LYPD6B: variants seen among roughly 807,000 people sequenced by gnomAD.
LYPD6B encodes the protein ly6/PLAUR domain-containing protein 6B.
In LYPD6B, 17 loss-of-function variants were observed where a neutral mutation model predicts 22.8. The ratio of observed to expected loss-of-function variants is 0.75; its 90% CI spans 0.51 to 1.12. LYPD6B has a LOEUF of 1.12. LYPD6B is among the 50% of genes most tolerant of loss of function. The pLI is 0.00. For missense variants in LYPD6B, 221 were observed against 258.3 expected (o/e 0.86, Z 0.99); for synonymous variants, 106 against 91.6 (o/e 1.16, Z -0.90).
chr2:149,058,931 C>T (rs1227401071), intron 1 of LYPD6B, among the ~76,000 whole-genome samples: 1 of 152,192 alleles, frequency 6.6e-6, no homozygotes, highest in Non-Finnish European at 1.5e-5. Flanking sequence ...GTCCATTTCA[C>T]TCTTCTTGGA....
intron 1 of LYPD6B, among the ~76,000 whole-genome samples, chr2:149,092,196 G>C (rs781021874): frequency 1.3e-5 from 2 of 152,040 alleles, no homozygotes; most frequent in African/African-American, 2.4e-5. Flanking sequence ...GTGATGGGGG[G>C]GGAATTTTAG....
chr2:149,115,714 C>T (rs909815331), intron 1 of LYPD6B, among the ~76,000 whole-genome samples: 13 of 152,172 alleles, frequency 8.5e-5, no homozygotes, highest in Non-Finnish European at 1.8e-4. Context: ...GGTGACTAGA[C>T]CCACCGTAGG....
At chr2:149,201,183 C>A (rs762043776) in intron 3 of LYPD6B, among the ~76,000 whole-genome samples, 1 of 152,120 alleles carries the variant, frequency 6.6e-6, no homozygotes, top group Non-Finnish European at 1.5e-5. Context: ...TCTCTACAAT[C>A]GATTATGTGG....
intron 2 of LYPD6B, among the ~76,000 whole-genome samples, chr2:149,136,215 A>T (rs1688361700): frequency 6.6e-6 from 1 of 152,254 alleles, no homozygotes; most frequent in African/African-American, 2.4e-5. Context: ...TATGCATTTA[A>T]GTCTAAACAG....
chr2:149,073,889 G>A (rs1337685957), intron 1 of LYPD6B, among the ~76,000 whole-genome samples: 6 of 151,942 alleles, frequency 3.9e-5, no homozygotes, highest in South Asian at 2.1e-4. Flanking sequence ...GGGTGAGGGC[G>A]TGGAGACCCA....
intron 1 of LYPD6B, among the ~76,000 whole-genome samples, chr2:149,087,930 T>C (rs1685472775): frequency 6.6e-6 from 1 of 152,224 alleles, no homozygotes; most frequent in South Asian, 2.1e-4. Flanking sequence ...TTTATAATTC[T>C]GGGCCACCAC....
intron 1 of LYPD6B, among the ~76,000 whole-genome samples, chr2:149,053,803 C>G (rs1006494895): frequency 1.3e-5 from 2 of 152,172 alleles, no homozygotes; most frequent in African/African-American, 4.8e-5. Context: ...TTTGCCTTTG[C>G]CTGCTCTGGA....
chr2:149,045,047 G>A (rs1191015574), intron 1 of LYPD6B, among the ~76,000 whole-genome samples: 1 of 151,810 alleles, frequency 6.6e-6, no homozygotes, highest in African/African-American at 2.4e-5. Flanking sequence ...GAAACCATTT[G>A]GTCCTAGAGT....
At chr2:149,137,945 C>G (rs2105749425) in intron 2 of LYPD6B, among the ~76,000 whole-genome samples, 1 of 152,250 alleles carries the variant, frequency 6.6e-6, no homozygotes, top group East Asian at 1.9e-4. Context: ...TTCACATCCA[C>G]CTGGCTGACA....
At chr2:149,086,311 G>A (rs1329752227) in intron 1 of LYPD6B, among the ~76,000 whole-genome samples, 1 of 152,166 alleles carries the variant, frequency 6.6e-6, no homozygotes, top group African/African-American at 2.4e-5. Context: ...GAAAGGCAAG[G>A]AGAAGAGTGG....
intron 1 of LYPD6B, among the ~76,000 whole-genome samples, chr2:149,074,597 G>C (rs1385170664): frequency 6.6e-6 from 1 of 152,202 alleles, no homozygotes; most frequent in African/African-American, 2.4e-5. Flanking sequence ...TCAGAGAAGA[G>C]TAATTGGGGT....
At chr2:149,129,394 C>T (rs1687892267) in intron 1 of LYPD6B, among the ~76,000 whole-genome samples, 1 of 152,156 alleles carries the variant, frequency 6.6e-6, no homozygotes, top group African/African-American at 2.4e-5. Flanking sequence ...GGACAAATGC[C>T]AGGCCTAGGC....
intron 3 of LYPD6B, among the ~76,000 whole-genome samples, chr2:149,197,449 T>A (rs904278380): frequency 4.6e-5 from 7 of 152,062 alleles, no homozygotes; most frequent in African/African-American, 1.7e-4. Flanking sequence ...GAGGTGGAGG[T>A]TGCAGTGAGC....
At chr2:149,043,271 A>C (rs746599637) in intron 1 of LYPD6B, among the ~76,000 whole-genome samples, 3 of 152,150 alleles carry the variant, frequency 2.0e-5, no homozygotes, top group Admixed American at 2.0e-4. Context: ...GACTTGTATG[A>C]AATTTATCTC....
At chr2:149,162,870 C>T (rs906892251) in intron 3 of LYPD6B, among the ~76,000 whole-genome samples, 26 of 152,026 alleles carry the variant, frequency 1.7e-4, no homozygotes, top group African/African-American at 6.0e-4. Context: ...GGTTAGAGAG[C>T]CTTAAGTCTA....
At chr2:149,111,960 A>T (rs973111659) in intron 1 of LYPD6B, among the ~76,000 whole-genome samples, 5 of 152,196 alleles carry the variant, frequency 3.3e-5, no homozygotes, top group African/African-American at 9.6e-5. Flanking sequence ...ATTGCTGCTC[A>T]AAGTTGAGGA....
intron 1 of LYPD6B, among the ~76,000 whole-genome samples, chr2:149,078,766 A>G (rs1684987503): frequency 6.6e-6 from 1 of 152,176 alleles, no homozygotes; most frequent in Admixed American, 6.5e-5. Flanking sequence ...CAGCAGCTTC[A>G]GAAGCTGAGA....
chr2:149,072,224 G>A (rs1239146423), intron 1 of LYPD6B, among the ~76,000 whole-genome samples: 5 of 152,198 alleles, frequency 3.3e-5, no homozygotes, highest in Non-Finnish European at 5.9e-5. Flanking sequence ...TTCAGCACAT[G>A]TGCCTCTGGT....
At chr2:149,185,493 C>T (rs1366718125) in intron 3 of LYPD6B, among the ~76,000 whole-genome samples, 1 of 152,110 alleles carries the variant, frequency 6.6e-6, no homozygotes. Context: ...GGGAAAAATG[C>T]AAGGTTTGGA....
Sources: gnomAD v4.1 joint callset for allele counts (sites outside exome capture counted in the v4.1 genomes callset) on GRCh38, gnomAD v4.1.1 for gene constraint, MANE v1.5 for transcripts, NCBI Gene and HGNC (gene_info 2026-07-23, HGNC 2026-07-21) for gene names.